The following TENM2 variants were observed in gnomAD, a reference collection of about 807,000 sequenced individuals.
The protein encoded by TENM2 is teneurin-2.
Under a neutral mutation model 245.2 loss-of-function variants are expected in TENM2, and 52 were observed. The observed-to-expected ratio is 0.21, with a 90% confidence interval of 0.17 to 0.27. The LOEUF is 0.27. Among genes scored for constraint, TENM2 ranks in the 10% least tolerant of loss-of-function variants. TENM2 has a pLI of 1.00. For missense variants in TENM2, 3,046 were observed against 3,666.8 expected (o/e 0.83, Z 4.37); for synonymous variants, 1,363 against 1,438.9 (o/e 0.95, Z 1.19).
the TENM2 span, among the ~76,000 whole-genome samples, chr5:167,090,537 T>A: frequency 1.3e-5 from 2 of 152,306 alleles, no homozygotes; most frequent in East Asian, 1.9e-4. Flanking sequence ...GTACCATCGA[T>A]GAGGTATTGT....
At chr5:167,463,833 T>C (rs1336409179) in intron 2 of TENM2, among the ~76,000 whole-genome samples, 1 of 152,236 alleles carries the variant, frequency 6.6e-6, no homozygotes, top group Non-Finnish European at 1.5e-5. Flanking sequence ...ATTAGTTTTA[T>C]TTAAACTTTG....
chr5:167,092,202 G>T, the TENM2 span, among the ~76,000 whole-genome samples: 1 of 152,044 alleles, frequency 6.6e-6, no homozygotes, highest in Non-Finnish European at 1.5e-5. Flanking sequence ...AACATTTAGC[G>T]ACGTGAAAAC....
chr5:167,207,169 G>C, the TENM2 span, among the ~76,000 whole-genome samples: 1 of 152,182 alleles, frequency 6.6e-6, no homozygotes, highest in African/African-American at 2.4e-5. Flanking sequence ...ATTTCAGTCT[G>C]CATTCCATCA....
the TENM2 span, among the ~76,000 whole-genome samples, chr5:166,999,743 C>T: frequency 6.6e-6 from 1 of 151,876 alleles, no homozygotes; most frequent in Non-Finnish European, 1.5e-5. Context: ...ATTCCAAGTC[C>T]GATTTTGATT....
intron 2 of TENM2, among the ~76,000 whole-genome samples, chr5:167,543,592 G>A (rs1265236005): frequency 6.6e-6 from 1 of 152,104 alleles, no homozygotes; most frequent in Non-Finnish European, 1.5e-5. Context: ...GTTTTATAGA[G>A]CAACTGCAAC....
intron 2 of TENM2, among the ~76,000 whole-genome samples, chr5:167,837,595 A>G (rs1375856945): frequency 6.6e-6 from 1 of 152,244 alleles, no homozygotes; most frequent in Admixed American, 6.5e-5. Flanking sequence ...ATAGGTATAC[A>G]TTGTGAATGG....
chr5:167,576,335 T>TC (rs1774683197), intron 2 of TENM2, among the ~76,000 whole-genome samples: 1 of 151,814 alleles, frequency 6.6e-6, no homozygotes, highest in African/African-American at 2.4e-5. Context: ...AAGAGCATTT[T>TC]TTTTTTTTTT....
chr5:167,001,570 A>C, the TENM2 span, among the ~76,000 whole-genome samples: 1 of 152,098 alleles, frequency 6.6e-6, no homozygotes, highest in Non-Finnish European at 1.5e-5. Flanking sequence ...TAACAGTAAT[A>C]GTAAAAACAG....
chr5:167,509,544 TACCTC>T (rs1582242854), intron 2 of TENM2, among the ~76,000 whole-genome samples: 1 of 152,208 alleles, frequency 6.6e-6, no homozygotes, highest in African/African-American at 2.4e-5. Context: ...TTATATTTCT[TACCTC>T]AGTTGTGATA....
At chr5:168,005,160 C>T (rs780447666) in intron 5 of TENM2, among the ~76,000 whole-genome samples, 12 of 152,108 alleles carry the variant, frequency 7.9e-5, no homozygotes, top group Non-Finnish European at 1.5e-4. Flanking sequence ...ACAGTGATAT[C>T]CATATTGTAG....
chr5:168,045,659 C>T (rs2152030171), intron 5 of TENM2, among the ~76,000 whole-genome samples: 1 of 152,330 alleles, frequency 6.6e-6, no homozygotes, highest in East Asian at 1.9e-4. Flanking sequence ...GAAAGAACCG[C>T]ACCTCCAGTG....
At chr5:167,931,332 T>A (rs1168497840) in intron 3 of TENM2, among the ~76,000 whole-genome samples, 106 of 152,266 alleles carry the variant, frequency 7.0e-4, no homozygotes, top group Middle Eastern at 3.4e-3. Flanking sequence ...GAGATTGAAC[T>A]GGGGTGAGAA....
chr5:168,260,007 C>G (rs1215437004), intron 27 of TENM2, among the ~76,000 whole-genome samples: 1 of 152,196 alleles, frequency 6.6e-6, no homozygotes, highest in Non-Finnish European at 1.5e-5. Flanking sequence ...CAAGGTCACA[C>G]AGCCAGGGGA....
chr5:167,218,534 C>T, the TENM2 span, among the ~76,000 whole-genome samples: 1 of 152,130 alleles, frequency 6.6e-6, no homozygotes, highest in East Asian at 1.9e-4. Context: ...TTAAAAGGAT[C>T]CCCTCTCTCC....
chr5:167,249,331 G>A, the TENM2 span, among the ~76,000 whole-genome samples: 15 of 152,044 alleles, frequency 9.9e-5, no homozygotes, highest in Non-Finnish European at 1.3e-4. Flanking sequence ...GGAAGGGAGT[G>A]GTAAATTATG....
At chr5:167,200,469 C>T in the TENM2 span, among the ~76,000 whole-genome samples, 1 of 151,870 alleles carries the variant, frequency 6.6e-6, no homozygotes, top group Non-Finnish European at 1.5e-5. Flanking sequence ...AGTCCAAGAG[C>T]AATGGTGGGA....
At chr5:167,424,327 GCA>G (rs963698361) in intron 2 of TENM2, among the ~76,000 whole-genome samples, 2 of 151,720 alleles carry the variant, frequency 1.3e-5, no homozygotes, top group Non-Finnish European at 2.9e-5. Flanking sequence ...CCCCTATTCT[GCA>G]CACACACACA....
At chr5:167,938,937 C>T (rs969663923) in intron 3 of TENM2, among the ~76,000 whole-genome samples, 4 of 133,296 alleles carry the variant, frequency 3.0e-5, no homozygotes, top group African/African-American at 6.5e-5. Context: ...AGCAAGACTC[C>T]GTCTCAAAAA....
chr5:167,645,913 T>C (rs994102717), intron 2 of TENM2, among the ~76,000 whole-genome samples: 1 of 151,810 alleles, frequency 6.6e-6, no homozygotes, highest in African/African-American at 2.4e-5. Context: ...ATGCTGGGCT[T>C]GAGTGTCTAT....
Sources: gnomAD v4.1 joint callset for allele counts (sites outside exome capture counted in the v4.1 genomes callset) on GRCh38, gnomAD v4.1.1 for gene constraint, MANE v1.5 for transcripts, NCBI Gene and HGNC (gene_info 2026-07-23, HGNC 2026-07-21) for gene names.